Variants in SH3RF2 observed in about 807,000 individuals in gnomAD.
SH3RF2 encodes E3 ubiquitin-protein ligase SH3RF2.
SH3RF2 carries 43 observed loss-of-function variants against 59.0 expected under a neutral mutation model. The observed-to-expected ratio is 0.73, with a 90% CI of 0.57 to 0.94. The LOEUF is 0.94. Ranked by LOEUF, SH3RF2 falls within the 40% of genes least tolerant of loss-of-function variation. The pLI is 0.00. For missense variants in SH3RF2, 930 were observed against 940.1 expected (o/e 0.99, Z 0.14); for synonymous variants, 391 against 391.5 (o/e 1.00, Z 0.01).
intron 2 of SH3RF2, among the ~76,000 whole-genome samples, chr5:145,943,681 A>T (rs1350726144): frequency 6.6e-6 from 1 of 150,412 alleles, no homozygotes; most frequent in East Asian, 2.0e-4. Flanking sequence ...CCATTCCATT[A>T]CCTACTTCAG....
intron 2 of SH3RF2, among the ~76,000 whole-genome samples, chr5:145,959,484 AC>A (rs1758542882): frequency 6.6e-6 from 1 of 151,224 alleles, no homozygotes. Flanking sequence ...TGGCAGATTC[AC>A]CCCCCTCTGC....
chr5:146,049,176 T>G lies in SH3RF2; in HGVS notation c.1253T>G (p.Leu418Arg). The change falls in exon 7 of 10, where the codon CTC (leucine) becomes CGC (arginine). Residue 418 changes from leucine (L) to arginine (R), a missense_variant. Coordinates refer to ENST00000359120, the MANE Select transcript of SH3RF2 (RefSeq NM_152550.4). ...RVLGKCQDGW[L>R]RGVSLVTGRV... ...CTGGGGAAGTGCCAGGACGGCTGGC[T>G]CAGGGGCGTCTCCTTGGTCACCGGG... 6.2e-7 allele frequency: 1 copy of G among 1,614,046 alleles called. No homozygotes were observed. Among genetic ancestry groups the G allele is most frequent in the Non-Finnish European group, 8.5e-7 (1 of 1,180,018 alleles).
In SH3RF2 at chr5:146,062,599, C is replaced by T; in HGVS notation, c.2088C>T (p.His696=). Residue 696 remains histidine (H), a synonymous_variant, in exon 10 of 10, where the codon CAC becomes CAT. Coordinates refer to ENST00000359120, the MANE Select transcript of SH3RF2 (RefSeq NM_152550.4). ...TVLFAHRSGC[H]SGQQTDLRRK... ...TATTTGCCCACCGAAGTGGCTGCCACTCCGGACAGCAGACAGACCTCCGGA... is the reference window on the plus strand; with the variant it reads ...TATTTGCCCACCGAAGTGGCTGCCATTCCGGACAGCAGACAGACCTCCGGA... The T allele has an allele frequency of 3.1e-6, 5 of 1,614,192 alleles. No homozygotes were observed. The highest frequency in any genetic ancestry group is 3.4e-6 in the Non-Finnish European group (4 of 1,180,012).
At chr5:145,961,174 CTTTT>C (rs869156939) in intron 2 of SH3RF2, among the ~76,000 whole-genome samples, 1 of 90,960 alleles carries the variant, frequency 1.1e-5, no homozygotes, top group Non-Finnish European at 2.1e-5. Flanking sequence ...CTGCATCCTC[CTTTT>C]TTTTTTTTTT....
At chr5:146,023,610 T>C (rs1761414107) in intron 5 of SH3RF2, among the ~76,000 whole-genome samples, 1 of 152,350 alleles carries the variant, frequency 6.6e-6, no homozygotes, top group African/African-American at 2.4e-5. Context: ...TACTTGTTTT[T>C]TAGTTTGGTT....
At chr5:145,964,312 CTTT>C (rs750453314) in intron 2 of SH3RF2, among the ~76,000 whole-genome samples, 2 of 111,188 alleles carry the variant, frequency 1.8e-5, no homozygotes, top group Admixed American at 9.2e-5. Flanking sequence ...TCCTTTCTTT[CTTT>C]TTTTTTTTTT....
intron 2 of SH3RF2, among the ~76,000 whole-genome samples, chr5:145,994,684 G>A (rs1337712016): frequency 2.0e-5 from 3 of 152,138 alleles, no homozygotes; most frequent in African/African-American, 4.8e-5. Flanking sequence ...CTCCCACCAG[G>A]CCCTTCCCAA....
intron 5 of SH3RF2, among the ~76,000 whole-genome samples, chr5:146,041,196 G>T (rs1034504011): frequency 6.6e-6 from 1 of 152,072 alleles, no homozygotes; most frequent in African/African-American, 2.4e-5. Context: ...ATGACCATGG[G>T]GCCCATGTAT....
intron 2 of SH3RF2, among the ~76,000 whole-genome samples, chr5:145,971,780 G>T (rs933989696): frequency 6.6e-6 from 1 of 152,074 alleles, no homozygotes; most frequent in Non-Finnish European, 1.5e-5. Context: ...GGTAAACAAA[G>T]CTACCACCTC....
intron 4 of SH3RF2, 96 bp from the exon 5 acceptor site, chr5:146,013,651 G>A: frequency 1.5e-6 from 2 of 1,318,976 alleles, no homozygotes; most frequent in Admixed American, 4.4e-5. Flanking sequence ...CTGAGGAGGT[G>A]GCACCTGACC....
chr5:145,962,583 A>C (rs1197147577), intron 2 of SH3RF2, among the ~76,000 whole-genome samples: 1 of 152,074 alleles, frequency 6.6e-6, no homozygotes, highest in Non-Finnish European at 1.5e-5. Flanking sequence ...CCCCCTCTTC[A>C]GTTCCTGCAG....
intron 2 of SH3RF2, among the ~76,000 whole-genome samples, chr5:145,970,628 A>C (rs1337299225): frequency 6.6e-6 from 1 of 152,284 alleles, no homozygotes; most frequent in East Asian, 1.9e-4. Context: ...AAAGGCCCTT[A>C]ACATTGTATT....
At position 146,074,577 on chromosome 5, in the gene SH3RF2, T is replaced by TA. The variant is rs57550178; in HGVS notation, c.*34-3873dup. On this transcript the variant is annotated intron_variant, in intron 9 of 9. Transcript: ENST00000511217. The stretch of plus-strand genomic sequence containing the variant: ...AGCAAACAATAAGCAAACTGACATC[T>TA]AAAAAAAAAACAAAACAAAACAAAA... Among the ~76,000 whole-genome samples, 1,041 of 147,964 alleles carry TA rather than the reference T, an allele frequency of 7.0e-3. 9 individuals carry two copies. The highest frequency in any genetic ancestry group is 0.022 in the African/African-American group (873 of 40,164).
chr5:145,945,674 G>A (rs940785265), intron 2 of SH3RF2, among the ~76,000 whole-genome samples: 4 of 152,044 alleles, frequency 2.6e-5, no homozygotes, highest in Non-Finnish European at 5.9e-5. Context: ...TGAAAGAGAA[G>A]GGAAGGAAAC....
At chr5:146,005,122 T>C (rs746489617) in intron 4 of SH3RF2, among the ~76,000 whole-genome samples, 19 of 152,150 alleles carry the variant, frequency 1.2e-4, no homozygotes, top group Non-Finnish European at 2.4e-4. Flanking sequence ...CTTCTGAAAT[T>C]AGCATATATT....
At chr5:145,942,686 T>C (rs1757861927) in intron 2 of SH3RF2, among the ~76,000 whole-genome samples, 1 of 152,096 alleles carries the variant, frequency 6.6e-6, no homozygotes, top group African/African-American at 2.4e-5. Context: ...CCATATGTAG[T>C]AGGTGGAGGA....
chr5:145,954,583 T>C (rs2149948917), intron 2 of SH3RF2, among the ~76,000 whole-genome samples: 1 of 152,358 alleles, frequency 6.6e-6, no homozygotes, highest in South Asian at 2.1e-4. Flanking sequence ...AATTTTTGCT[T>C]TTGTTGCAAT....
intron 2 of SH3RF2, among the ~76,000 whole-genome samples, chr5:145,994,485 G>A (rs1760074169): frequency 6.6e-6 from 1 of 152,180 alleles, no homozygotes; most frequent in Admixed American, 6.5e-5. Flanking sequence ...TGGACTTACA[G>A]TTCCACATGG....
intron 5 of SH3RF2, among the ~76,000 whole-genome samples, chr5:146,028,006 C>G (rs543310812): frequency 6.6e-6 from 1 of 152,216 alleles, no homozygotes; most frequent in East Asian, 1.9e-4. Context: ...ATCGTTTTGC[C>G]CAATTAATCC....
Sources: allele counts gnomAD v4.1 joint callset (sites outside exome capture counted in the v4.1 genomes callset), GRCh38; gene constraint gnomAD v4.1.1; transcripts MANE v1.5; gene names NCBI Gene and HGNC (gene_info 2026-07-23, HGNC 2026-07-21).